Variants in RTN4 observed in about 807,000 individuals in gnomAD.
RTN4 encodes the protein reticulon-4.
RTN4 carries 32 observed loss-of-function variants against 90.4 expected under a neutral mutation model. The observed-to-expected ratio is 0.35, with a 90% confidence interval of 0.27 to 0.48. RTN4 has a LOEUF of 0.48. RTN4 is among the 20% of genes least tolerant of loss of function. The pLI is 0.99. For missense variants in RTN4, 1,706 were observed against 1,430.2 expected (o/e 1.19, Z -3.11); for synonymous variants, 629 against 552.5 (o/e 1.14, Z -1.94).
intron 1 of RTN4, among the ~76,000 whole-genome samples, chr2:55,109,459 G>A (rs577193010): frequency 6.6e-6 from 1 of 152,204 alleles, no homozygotes; most frequent in South Asian, 2.1e-4. Context: ...AAAACCAACA[G>A]GTACAGTATC....
chr2:55,121,633 T>A, the RTN4 span, among the ~76,000 whole-genome samples: 10 of 152,218 alleles, frequency 6.6e-5, no homozygotes, highest in African/African-American at 2.4e-4. Context: ...CTGAGGTCAT[T>A]ATTATTATCA....
At chr2:55,125,692 G>A in the RTN4 span, among the ~76,000 whole-genome samples, 1 of 152,124 alleles carries the variant, frequency 6.6e-6, no homozygotes, top group Non-Finnish European at 1.5e-5. Context: ...TTTGAACTCA[G>A]GAGGCGGAGG....
At chr2:55,076,057 T>C (rs1014684991) in intron 2 of RTN4, among the ~76,000 whole-genome samples, 2 of 151,840 alleles carry the variant, frequency 1.3e-5, no homozygotes, top group Non-Finnish European at 2.9e-5. Flanking sequence ...CAAAAGCAAA[T>C]GCAACAAAAA....
intron 3 of RTN4, among the ~76,000 whole-genome samples, chr2:55,018,209 T>A (rs1573392698): frequency 6.6e-6 from 1 of 152,214 alleles, no homozygotes; most frequent in African/African-American, 2.4e-5. Context: ...GTGAGAGTGC[T>A]TGTTGGTCAG....
At chr2:55,043,896 TAAAATAAAAATA>T (rs1166885489) in intron 1 of RTN4, among the ~76,000 whole-genome samples, 1 of 150,380 alleles carries the variant, frequency 6.6e-6, no homozygotes, top group Non-Finnish European at 1.5e-5. Flanking sequence ...AAAAATAAAA[TAAAATAAAAATA>T]AAAATAAAAA....
intron 3 of RTN4, among the ~76,000 whole-genome samples, chr2:54,987,904 C>T (rs1160552479): frequency 6.6e-6 from 1 of 152,198 alleles, no homozygotes; most frequent in African/African-American, 2.4e-5. Context: ...TTATTTTTGA[C>T]CACGAAATGT....
chr2:54,976,659 A>G (rs1243204171), intron 5 of RTN4, among the ~76,000 whole-genome samples: 1 of 152,226 alleles, frequency 6.6e-6, no homozygotes, highest in African/African-American at 2.4e-5. Flanking sequence ...TTCAGGGAAC[A>G]CACCACCAGG....
At chr2:54,977,956 T>C (rs2588520) in intron 5 of RTN4, among the ~76,000 whole-genome samples, 140,102 of 152,246 alleles carry the variant, frequency 0.92, 64,630 homozygotes, top group Middle Eastern at 0.99. Context: ...TTCACACCGG[T>C]GTTTATAAAA....
At chr2:55,052,880 T>C (rs2104992399), upstream of RTN4, among the ~76,000 whole-genome samples, 1 of 152,304 alleles carries the variant, frequency 6.6e-6, no homozygotes, top group East Asian at 1.9e-4. Flanking sequence ...ACAGGGCCTT[T>C]ATGTATGTCT....
At chr2:55,131,816 G>T in the RTN4 span, among the ~76,000 whole-genome samples, 1 of 152,132 alleles carries the variant, frequency 6.6e-6, no homozygotes, top group South Asian at 2.1e-4. Flanking sequence ...CCCAGGAGGC[G>T]GAGGTTGCAG....
At chr2:54,990,117 T>C (rs1290331421) in intron 3 of RTN4, among the ~76,000 whole-genome samples, 3 of 152,222 alleles carry the variant, frequency 2.0e-5, no homozygotes, top group East Asian at 3.8e-4. Context: ...AAGTCCTCTA[T>C]ATTTCAGTTT....
intron 3 of RTN4, among the ~76,000 whole-genome samples, chr2:55,018,172 T>C (rs1444605106): frequency 6.6e-6 from 1 of 152,236 alleles, no homozygotes; most frequent in African/African-American, 2.4e-5. Context: ...TTTCAGATTA[T>C]GGTGAAGACC....
intron 5 of RTN4, among the ~76,000 whole-genome samples, chr2:54,978,409 T>A (rs1283180487): frequency 8.0e-6 from 1 of 125,488 alleles, no homozygotes. Flanking sequence ...CCAGCCTGGG[T>A]GACACAGCGA....
intron 1 of RTN4, among the ~76,000 whole-genome samples, chr2:55,109,939 G>A (rs1305406704): frequency 6.6e-6 from 1 of 152,148 alleles, no homozygotes; most frequent in Non-Finnish European, 1.5e-5. Context: ...AAAAAGAGTG[G>A]ACATTGAATT....
chr2:55,075,058 G>T (rs1668577656), intron 2 of RTN4, among the ~76,000 whole-genome samples: 1 of 152,124 alleles, frequency 6.6e-6, no homozygotes, highest in Admixed American at 6.5e-5. Flanking sequence ...GTTCAACATA[G>T]TACTAGAAGT....
intron 1 of RTN4, among the ~76,000 whole-genome samples, chr2:55,087,720 T>C (rs954437653): frequency 6.6e-6 from 1 of 152,120 alleles, no homozygotes; most frequent in Non-Finnish European, 1.5e-5. Context: ...TCATAGTATA[T>C]GTATATCTTC....
intron 5 of RTN4, among the ~76,000 whole-genome samples, chr2:54,980,321 A>G (rs1678015515): frequency 6.9e-6 from 1 of 145,684 alleles, no homozygotes; most frequent in Non-Finnish European, 1.5e-5. Flanking sequence ...CCCCTTTCTA[A>G]CATTTTCTCT....
At chr2:54,976,847 T>A (rs1379844536) in intron 5 of RTN4, among the ~76,000 whole-genome samples, 1 of 152,246 alleles carries the variant, frequency 6.6e-6, no homozygotes, top group Non-Finnish European at 1.5e-5. Context: ...GCAAATACTT[T>A]GCAACATTAT....
At chr2:55,119,006 A>G in the RTN4 span, among the ~76,000 whole-genome samples, 2 of 152,344 alleles carry the variant, frequency 1.3e-5, no homozygotes, top group South Asian at 4.1e-4. Context: ...GAAGGCAGAG[A>G]GATATCGGGG....
Sources: gnomAD v4.1 joint callset for allele counts (sites outside exome capture counted in the v4.1 genomes callset) on GRCh38, gnomAD v4.1.1 for gene constraint, MANE v1.5 for transcripts, NCBI Gene and HGNC (gene_info 2026-07-23, HGNC 2026-07-21) for gene names.